MCCC2: variants seen among roughly 807,000 people sequenced by gnomAD.
MCCC2 encodes the protein methylcrotonyl-CoA carboxylase subunit 2.
A neutral mutation model predicts 77.2 loss-of-function variants in MCCC2; 52 were observed. That is an observed-to-expected ratio of 0.67 (90% CI 0.54 to 0.85). MCCC2 has a LOEUF of 0.85. Among genes scored for constraint, MCCC2 ranks in the 40% least tolerant of loss-of-function variants. The pLI is 0.00. For missense variants in MCCC2, 682 were observed against 703.2 expected (o/e 0.97, Z 0.34); for synonymous variants, 253 against 248.4 (o/e 1.02, Z -0.18).
At chr5:71,607,876 T>C (rs1745753507) in intron 6 of MCCC2, among the ~76,000 whole-genome samples, 1 of 132,646 alleles carries the variant, frequency 7.5e-6, no homozygotes, top group South Asian at 2.8e-4. Context: ...TTCCATGTAG[T>C]TGAGCAGTTT....
rs1363169383 is a variant in MCCC2 at position 71,658,372 on chromosome 5, G to C, written c.*1512G>C. 6.6e-6 allele frequency: 1 copy of C among 151,896 alleles called. No homozygotes were observed. The highest frequency in any genetic ancestry group is 1.5e-5 in the Non-Finnish European group (1 of 67,976). 9.4% of individuals were successfully genotyped at this position (151,896 alleles called of 1,614,324 possible). On this transcript the variant is annotated 3_prime_UTR_variant, in exon 17 of 17. Coordinates refer to ENST00000340941, the MANE Select transcript of MCCC2 (RefSeq NM_022132.5). ...CTCAGTTTAAACTCCACTTCCTTAG[G>C]GATGTCTCTGTGACCTCCCTGTGCT... is the stretch of plus-strand genomic sequence containing the variant.
chr5:71,641,414 AG>A, intron 11 of MCCC2: 1 of 325,630 alleles, frequency 3.1e-6, no homozygotes, highest in Non-Finnish European at 5.8e-6. Context: ...TTATTTTGAA[AG>A]TTTCAGCACT....
At chr5:71,642,303 A>T (rs138675278) in intron 11 of MCCC2, among the ~76,000 whole-genome samples, 18 of 152,220 alleles carry the variant, frequency 1.2e-4, no homozygotes, top group African/African-American at 4.1e-4. Flanking sequence ...GGTGGGAGGC[A>T]TAAAGGGTGA....
intron 12 of MCCC2, among the ~76,000 whole-genome samples, chr5:71,645,933 A>C (rs1184529963): frequency 6.6e-6 from 1 of 152,104 alleles, no homozygotes; most frequent in Non-Finnish European, 1.5e-5. Flanking sequence ...GTGGTAGCAC[A>C]CACCTGTAGT....
intron 8 of MCCC2, among the ~76,000 whole-genome samples, chr5:71,634,647 T>G (rs572068421): frequency 6.6e-6 from 1 of 152,244 alleles, no homozygotes; most frequent in East Asian, 1.9e-4. Flanking sequence ...CAGAGGAAGG[T>G]TAAGGTTAGA....
chr5:71,644,046 TGTGTGTGTGTGTGTGTGTGTGTGTGCGC>T, intron 12 of MCCC2, 151 bp downstream of exon 12: 3 of 645,212 alleles, frequency 4.6e-6, no homozygotes, highest in Non-Finnish European at 8.0e-6. Context: ...TGTGTGTGTG[TGTGTGTGTGTGTGTGTGTGTGTGTGCGC>T]GCGTGTGTAT....
rs1368774966 is a variant in MCCC2 at position 71,646,647 on chromosome 5, T to A, written c.1216+370T>A. On this transcript the variant is annotated intron_variant, in intron 13 of 16. Transcript: ENST00000340941. Reference sequence around the variant, plus strand: ...TCCCAAAGTGCTGATACTACAGACATGAGCCACGAGCCACCACACCTTGCT... The same window carrying A: ...TCCCAAAGTGCTGATACTACAGACAAGAGCCACGAGCCACCACACCTTGCT... 7.9e-5 allele frequency among the ~76,000 whole-genome samples: 12 copies of A among 152,244 alleles called. No homozygotes were observed. In the East Asian group the frequency reaches 2.3e-3, roughly 29 times the overall value.
Position 71,646,237 on chromosome 5 carries a change from C to A in MCCC2, c.1176C>A (p.Cys392Ter). 1 of 1,613,770 alleles carries A rather than the reference C, an allele frequency of 6.2e-7. No homozygotes were observed. Among genetic ancestry groups the A allele is most frequent in the Non-Finnish European group, 8.5e-7 (1 of 1,179,822 alleles). Residue 392 changes from cysteine (C) to a stop codon, truncating the protein, a stop_gained, in exon 13 of 17, where the codon TGC (cysteine) becomes TGA (stop). Coordinates refer to ENST00000340941, the MANE Select transcript of MCCC2 (RefSeq NM_022132.5). LOFTEE classifies it high-confidence loss of function. ...GTACTCACTTTGTCCAGTTATGCTG[C>A]CAAAGAAATATTCCTCTGCTGTTCC... ...KKGTHFVQLC[C>*]QRNIPLLFLQ...
intron 3 of MCCC2, among the ~76,000 whole-genome samples, chr5:71,598,308 A>G (rs1156758506): frequency 6.6e-6 from 1 of 151,826 alleles, no homozygotes; most frequent in African/African-American, 2.4e-5. Context: ...TGACCTCGTG[A>G]TCTGCCCACC....
At chr5:71,631,348 GCGGGT>G (rs1451369885) in intron 7 of MCCC2, among the ~76,000 whole-genome samples, 1 of 152,124 alleles carries the variant, frequency 6.6e-6, no homozygotes, top group Non-Finnish European at 1.5e-5. Context: ...GAAGGCCTGG[GCGGGT>G]CAGGAAAGCT....
At chr5:71,599,562 C>G in intron 3 of MCCC2, 97 bp from the exon 4 acceptor site, 1 of 900,778 alleles carries the variant, frequency 1.1e-6, no homozygotes, top group South Asian at 1.4e-5. Flanking sequence ...GAAATATTGT[C>G]CCATTGAGGA....
chr5:71,633,398 C>T (rs759616191), intron 8 of MCCC2, among the ~76,000 whole-genome samples: 2 of 151,978 alleles, frequency 1.3e-5, no homozygotes, highest in African/African-American at 2.4e-5. Context: ...ACTGCTTACC[C>T]TATCTGAGTC....
intron 6 of MCCC2, among the ~76,000 whole-genome samples, chr5:71,613,783 G>C (rs1221849307): frequency 6.6e-6 from 1 of 151,790 alleles, no homozygotes; most frequent in African/African-American, 2.4e-5. Flanking sequence ...AGAGAAGGAA[G>C]GTGGAGTAAG....
At chr5:71,623,721 T>A (rs1055821708) in intron 6 of MCCC2, among the ~76,000 whole-genome samples, 17 of 152,342 alleles carry the variant, frequency 1.1e-4, no homozygotes, top group Middle Eastern at 3.4e-3. Context: ...GGGGACCATT[T>A]TAAAAGCCTG....
Position 71,643,870 on chromosome 5 carries a change from T to C in MCCC2, c.1124T>C (p.Val375Ala), listed in dbSNP as rs752139859. The change falls in exon 12 of 17, where the codon GTT (valine) becomes GCT (alanine). Residue 375 changes from valine to alanine, a missense_variant. Val to Ala is a moderately conservative substitution (Grantham distance 64). Transcript: ENST00000340941. Reference sequence around the variant, plus strand: ...GTAGGTATCGTTGGAAACAACGGAGTTCTCTTTTCTGAATCTGCAAAAAAG... The same window carrying C: ...GTAGGTATCGTTGGAAACAACGGAGCTCTCTTTTCTGAATCTGCAAAAAAG... The part of the protein sequence containing the change: ...YPVGIVGNNG[V>A]LFSESAKKGT... 5.0e-6 allele frequency: 8 copies of C among 1,614,108 alleles called. No homozygotes were observed. The South Asian group carries it at 8.8e-5, about 18-fold the overall frequency.
chr5:71,592,329 C>T (rs923707916), intron 1 of MCCC2, among the ~76,000 whole-genome samples: 3 of 151,874 alleles, frequency 2.0e-5, no homozygotes, highest in South Asian at 2.1e-4. Context: ...TGCAGTGAGC[C>T]GAGATTGCAC....
chr5:71,604,807 C>A (rs1168092321), intron 6 of MCCC2, among the ~76,000 whole-genome samples: 1 of 147,614 alleles, frequency 6.8e-6, no homozygotes, highest in Non-Finnish European at 1.5e-5. Flanking sequence ...GTTCAATTCC[C>A]ACCTATGAGT....
At chr5:71,656,354 A>T (rs1747577691) in intron 16 of MCCC2, among the ~76,000 whole-genome samples, 1 of 152,220 alleles carries the variant, frequency 6.6e-6, no homozygotes, top group African/African-American at 2.4e-5. Flanking sequence ...ACCTGGGTAT[A>T]TGTGGTTCTG....
intron 4 of MCCC2, among the ~76,000 whole-genome samples, chr5:71,601,011 C>G (rs1038557738): frequency 2.0e-5 from 3 of 152,176 alleles, no homozygotes; most frequent in Admixed American, 6.5e-5. Context: ...CCTGTGCCCC[C>G]CTTTAAGGCA....
Sources: gnomAD v4.1 joint callset for allele counts (sites outside exome capture counted in the v4.1 genomes callset) on GRCh38, gnomAD v4.1.1 for gene constraint, MANE v1.5 for transcripts, NCBI Gene and HGNC (gene_info 2026-07-23, HGNC 2026-07-21) for gene names.